KCNIP4: variants seen among roughly 807,000 people sequenced by gnomAD.
KCNIP4 encodes Kv channel-interacting protein 4.
KCNIP4 carries 12 observed loss-of-function variants against 34.0 expected under a neutral mutation model. That is an observed-to-expected ratio of 0.35 (90% CI 0.23 to 0.57). The LOEUF (loss-of-function observed/expected upper bound fraction) is 0.57. KCNIP4 is among the 20% of genes least tolerant of loss of function. The probability of loss-of-function intolerance (pLI) is 0.83; values close to 1 mark genes in which losing one functional copy is unlikely to be tolerated. For missense variants in KCNIP4, 238 were observed against 311.7 expected, an observed-to-expected ratio of 0.76 and a Z score of 1.78; for synonymous variants, 124 against 102.2, an observed-to-expected ratio of 1.21 and a Z score of -1.29.
intron 3 of KCNIP4, among the ~76,000 whole-genome samples, chr4:20,803,100 C>A (rs1474337282): frequency 4.6e-5 from 6 of 131,396 alleles, no homozygotes; most frequent in Admixed American, 2.3e-4. Context: ...AAAAAAAAAT[C>A]TTGAGATAAA....
intron 5 of KCNIP4, among the ~76,000 whole-genome samples, chr4:20,735,314 A>C (rs946274778): frequency 6.6e-6 from 1 of 152,096 alleles, no homozygotes; most frequent in Non-Finnish European, 1.5e-5. Flanking sequence ...CCTTTGCCTC[A>C]ATTTTCGTAT....
At chr4:21,381,744 G>A (rs1035212614) in intron 1 of KCNIP4, among the ~76,000 whole-genome samples, 5 of 152,092 alleles carry the variant, frequency 3.3e-5, no homozygotes, top group African/African-American at 1.2e-4. Context: ...CAGCCATTTT[G>A]GAATTACCAA....
intron 1 of KCNIP4, among the ~76,000 whole-genome samples, chr4:21,442,395 C>T (rs2109710014): frequency 6.6e-6 from 1 of 152,310 alleles, no homozygotes. Context: ...AGTCTATACC[C>T]TATGGCTTTC....
At chr4:21,046,061 T>C (rs904768739) in intron 1 of KCNIP4, among the ~76,000 whole-genome samples, 2 of 152,220 alleles carry the variant, frequency 1.3e-5, no homozygotes, top group Non-Finnish European at 2.9e-5. Context: ...AAAATTTAAA[T>C]GCATTTATTG....
chr4:21,816,662 A>G (rs1376017290), intron 1 of KCNIP4, among the ~76,000 whole-genome samples: 2 of 152,138 alleles, frequency 1.3e-5, no homozygotes. Flanking sequence ...CCATCCTCTG[A>G]TGAGGATTTG....
intron 1 of KCNIP4, among the ~76,000 whole-genome samples, chr4:20,940,122 C>T (rs996351178): frequency 4.6e-5 from 7 of 152,108 alleles, no homozygotes; most frequent in African/African-American, 7.2e-5. Flanking sequence ...TGGTCTTCTC[C>T]ACCTAGGATG....
intron 8 of KCNIP4, chr4:20,731,415 A>G (rs1193093008): frequency 3.0e-6 from 3 of 985,224 alleles, no homozygotes; most frequent in Non-Finnish European, 3.6e-6. Flanking sequence ...CATCAAGTCA[A>G]ATAATTCTAA....
intron 1 of KCNIP4, among the ~76,000 whole-genome samples, chr4:21,399,565 A>T (rs1456225961): frequency 6.6e-6 from 1 of 151,984 alleles, no homozygotes; most frequent in Non-Finnish European, 1.5e-5. Flanking sequence ...AGCCAGTTTG[A>T]ACTGGCTTTT....
At chr4:21,519,177 A>G (rs1473829269) in intron 1 of KCNIP4, among the ~76,000 whole-genome samples, 6 of 151,978 alleles carry the variant, frequency 3.9e-5, no homozygotes, top group Non-Finnish European at 7.4e-5. Context: ...TTAAGGGTGA[A>G]GCTCTCGTGA....
At chr4:20,790,173 G>A (rs1237060506) in intron 3 of KCNIP4, among the ~76,000 whole-genome samples, 1 of 152,100 alleles carries the variant, frequency 6.6e-6, no homozygotes, top group African/African-American at 2.4e-5. Flanking sequence ...AAAATGGTAA[G>A]TATTTGTGTA....
chr4:20,740,696 A>G (rs890367565), intron 5 of KCNIP4, among the ~76,000 whole-genome samples: 1 of 152,194 alleles, frequency 6.6e-6, no homozygotes, highest in Non-Finnish European at 1.5e-5. Context: ...CTAACATCAT[A>G]ATGACAGGAT....
chr4:21,925,207 A>G (rs1729168219), intron 1 of KCNIP4, among the ~76,000 whole-genome samples: 1 of 151,354 alleles, frequency 6.6e-6, no homozygotes, highest in South Asian at 2.1e-4. Flanking sequence ...TACATTAGGT[A>G]TATCTCCTAA....
At chr4:20,828,801 A>G (rs1360265450) in intron 3 of KCNIP4, among the ~76,000 whole-genome samples, 2 of 152,204 alleles carry the variant, frequency 1.3e-5, no homozygotes, top group Admixed American at 1.3e-4. Context: ...CACATAAAAG[A>G]TTTTTGATGT....
At chr4:21,743,544 C>T (rs1018469753) in intron 1 of KCNIP4, among the ~76,000 whole-genome samples, 1 of 151,648 alleles carries the variant, frequency 6.6e-6, no homozygotes, top group Non-Finnish European at 1.5e-5. Context: ...TTCATAGGAT[C>T]CAGGAATTAG....
intron 1 of KCNIP4, among the ~76,000 whole-genome samples, chr4:21,073,951 G>A (rs527696006): frequency 2.6e-5 from 4 of 152,130 alleles, no homozygotes; most frequent in Non-Finnish European, 5.9e-5. Flanking sequence ...ATTGATTTGT[G>A]TATGTTGAAC....
intron 1 of KCNIP4, among the ~76,000 whole-genome samples, chr4:21,813,096 T>C (rs756409537): frequency 2.6e-5 from 4 of 152,140 alleles, no homozygotes; most frequent in Non-Finnish European, 4.4e-5. Flanking sequence ...AGTTTCCTGA[T>C]ACTCCTGGAA....
Position 21,467,514 on chromosome 4 carries a change from C to A in KCNIP4, c.61+481057G>T, listed in dbSNP as rs142502444. ...TACGGGGTTAGGCAGAGTAAATGAACCGGCCTCAAAACCAAGGCCGTCTCC... is the reference window on the plus strand; with the variant it reads ...TACGGGGTTAGGCAGAGTAAATGAAACGGCCTCAAAACCAAGGCCGTCTCC... On this transcript the variant is annotated intron_variant, in intron 1 of 8. Transcript: ENST00000382152. 5.5e-3 allele frequency among the ~76,000 whole-genome samples: 835 copies of A among 152,166 alleles called. 6 individuals are homozygous for A. The highest frequency in any genetic ancestry group is 9.1e-3 in the South Asian group (44 of 4,810).
chr4:21,084,131 C>T (rs1220718040), intron 1 of KCNIP4, among the ~76,000 whole-genome samples: 1 of 151,812 alleles, frequency 6.6e-6, no homozygotes, highest in Non-Finnish European at 1.5e-5. Context: ...GGTCATTTCT[C>T]CTGAGTTAAG....
chr4:20,808,216 A>T (rs1715311763), intron 3 of KCNIP4, among the ~76,000 whole-genome samples: 1 of 152,186 alleles, frequency 6.6e-6, no homozygotes, highest in Non-Finnish European at 1.5e-5. Context: ...CCCATTTCAC[A>T]TTATCATTAC....
Sources: allele counts gnomAD v4.1 joint callset (sites outside exome capture counted in the v4.1 genomes callset), GRCh38; gene constraint gnomAD v4.1.1; transcripts MANE v1.5; gene names NCBI Gene and HGNC (gene_info 2026-07-23, HGNC 2026-07-21).